The following DGKB variants were observed in gnomAD, a reference collection of about 807,000 sequenced individuals.
DGKB encodes the protein 90 kDa diacylglycerol kinase.
DGKB carries 67 observed loss-of-function variants against 114.3 expected under a neutral mutation model. The observed-to-expected ratio is 0.59, with a 90% CI of 0.48 to 0.72. The LOEUF (loss-of-function observed/expected upper bound fraction) is 0.72, where lower values mean the gene tolerates loss of function less well. DGKB is among the 30% of genes least tolerant of loss of function. The pLI, the probability that DGKB is intolerant of heterozygous loss-of-function variation, is 0.00. For missense variants in DGKB, 907 were observed against 975.2 expected (o/e 0.93, Z 0.93); for synonymous variants, 398 against 323.1 (o/e 1.23, Z -2.49).
At chr7:14,387,828 A>C (rs1583575561) in intron 21 of DGKB, among the ~76,000 whole-genome samples, 1 of 150,062 alleles carries the variant, frequency 6.7e-6, no homozygotes, top group East Asian at 2.0e-4. Context: ...GGAATCTACT[A>C]TTATTCCCAT....
chr7:14,343,190 CACACACACAA>C (rs1182097974), intron 22 of DGKB, among the ~76,000 whole-genome samples: 1 of 151,082 alleles, frequency 6.6e-6, no homozygotes, highest in African/African-American at 2.4e-5. Context: ...CACACACACA[CACACACACAA>C]CAAGATATGC....
chr7:14,395,513 G>A lies in DGKB; in HGVS notation c.1836-50122C>T, dbSNP rs1039545384. Among the ~76,000 whole-genome samples, 5 of 151,914 alleles carry A rather than the reference G, an allele frequency of 3.3e-5. 1 individual carries two copies. The highest frequency in any genetic ancestry group is 3.9e-4 in the East Asian group (2 of 5,172). On this transcript the variant is annotated intron_variant, in intron 21 of 25. Coordinates refer to ENST00000402815, the MANE Select transcript of DGKB (RefSeq NM_001350709.2). ...TTAAAGATATGGGTAAACATTTATA[G>A]TTGCTTATTATAAGTTGATGTTCAA...
chr7:14,224,031 T>C (rs2128327739), intron 23 of DGKB, among the ~76,000 whole-genome samples: 1 of 151,926 alleles, frequency 6.6e-6, no homozygotes, highest in East Asian at 1.9e-4. Flanking sequence ...ACGTTTATCC[T>C]ATTTGGAGTT....
intron 6 of DGKB, among the ~76,000 whole-genome samples, chr7:14,707,056 T>G (rs1364937248): frequency 1.3e-5 from 2 of 149,578 alleles, no homozygotes; most frequent in Non-Finnish European, 3.0e-5. Context: ...TCAACAAAAT[T>G]GACAGACCGC....
In DGKB at chr7:14,567,336, TTA is replaced by T. The variant is rs1268855279; in HGVS notation, c.1770+6874_1770+6875del. Among the ~76,000 whole-genome samples the T allele has an allele frequency of 7.2e-3, 198 of 27,420 alleles. 6 individuals are homozygous for T. Among genetic ancestry groups the T allele is most frequent in the Non-Finnish European group, 9.4e-3 (162 of 17,160 alleles). The allele number at this position is 27,420 out of a possible 152,430, so 18.0% of individuals were successfully genotyped here. A position where few individuals can be genotyped will look rare whatever the true frequency, so the allele number is the denominator to read the frequency against. ...TAATTATATTATATATATTATATAT[TTA>T]TATATTATATATATAATTATATTAT... On this transcript the variant is annotated intron_variant, in intron 20 of 25. Transcript: ENST00000402815.
chr7:14,196,553 A>T (rs1315149746), intron 23 of DGKB, among the ~76,000 whole-genome samples: 2 of 152,288 alleles, frequency 1.3e-5, no homozygotes, highest in African/African-American at 2.4e-5. Flanking sequence ...ACTAAATTGA[A>T]TTAATGTTGA....
intron 21 of DGKB, among the ~76,000 whole-genome samples, chr7:14,452,276 C>T (rs928659570): frequency 4.0e-5 from 6 of 151,896 alleles, no homozygotes; most frequent in South Asian, 2.1e-4. Context: ...AATAATAATA[C>T]GGATCAATAG....
chr7:14,676,979 G>T (rs1819978701), intron 12 of DGKB, among the ~76,000 whole-genome samples: 1 of 151,650 alleles, frequency 6.6e-6, no homozygotes, highest in Non-Finnish European at 1.5e-5. Flanking sequence ...CATGTTAAGG[G>T]ATTCAGTGCC....
Position 14,392,995 on chromosome 7 carries a change from G to GTTTTTTTTTTTTTTTTTTTTTTT in DGKB, c.1836-47605_1836-47604insAAAAAAAAAAAAAAAAAAAAAAA, listed in dbSNP as rs1554404748. 4.0e-3 allele frequency among the ~76,000 whole-genome samples: 244 copies of GTTTTTTTTTTTTTTTTTTTTTTT among 60,350 alleles called. 7 individuals are homozygous for GTTTTTTTTTTTTTTTTTTTTTTT. The highest frequency in any genetic ancestry group is 6.6e-3 in the Non-Finnish European group (192 of 28,876). The allele number at this position is 60,350 out of a possible 152,430, so 39.6% of individuals were successfully genotyped here. On this transcript the variant is annotated intron_variant, in intron 21 of 25. Coordinates refer to ENST00000402815, the MANE Select transcript of DGKB (RefSeq NM_001350709.2). Reference sequence around the variant, plus strand: ...CAAAACAGACCTGTTTTTTGTTTTTGTTTTTTTTTTTTTGAGACGGAGTCT... The same window carrying GTTTTTTTTTTTTTTTTTTTTTTT: ...CAAAACAGACCTGTTTTTTGTTTTTGTTTTTTTTTTTTTTTTTTTTTTTTTTTTTTTTTTTTGAGACGGAGTCT...
chr7:14,400,048 T>C (rs1379942081), intron 21 of DGKB, among the ~76,000 whole-genome samples: 1 of 151,874 alleles, frequency 6.6e-6, no homozygotes, highest in Non-Finnish European at 1.5e-5. Flanking sequence ...AAAAAAGCAT[T>C]TGTATGCTGA....
intron 19 of DGKB, among the ~76,000 whole-genome samples, chr7:14,579,225 C>T (rs1282665493): frequency 1.3e-5 from 2 of 152,216 alleles, no homozygotes; most frequent in South Asian, 2.1e-4. Context: ...TTGTTTATTT[C>T]CTCACTGTAT....
At position 14,170,187 on chromosome 7, in the gene DGKB, A is replaced by AAGAAAGAG. The variant is rs1554272196; in HGVS notation, c.2304+6651_2304+6652insCTCTTTCT. 2.9e-3 allele frequency among the ~76,000 whole-genome samples: 403 copies of AAGAAAGAG among 136,980 alleles called. 17 individuals carry two copies. Among genetic ancestry groups the AAGAAAGAG allele is most frequent in the African/African-American group, 0.011 (383 of 35,168 alleles). The allele number at this position is 136,980 out of a possible 152,430, so 89.9% of individuals were successfully genotyped here. A position where few individuals can be genotyped will look rare whatever the true frequency, so the allele number is the denominator to read the frequency against. On this transcript the variant is annotated intron_variant, in intron 25 of 25. Coordinates refer to ENST00000402815, the MANE Select transcript of DGKB (RefSeq NM_001350709.2). ...AAAGAAAGAAAGAAAGAAAGAAAGA[A>AAGAAAGAG]AGAAAGAAAGAAAGAAATACATTAA...
intron 23 of DGKB, among the ~76,000 whole-genome samples, chr7:14,296,308 G>A (rs938872136): frequency 6.6e-6 from 1 of 152,082 alleles, no homozygotes; most frequent in Non-Finnish European, 1.5e-5. Flanking sequence ...GGTATTACAG[G>A]CGTGAGCCAC....
At chr7:14,250,774 A>T (rs1795120431) in intron 23 of DGKB, among the ~76,000 whole-genome samples, 1 of 152,056 alleles carries the variant, frequency 6.6e-6, no homozygotes, top group Non-Finnish European at 1.5e-5. Context: ...TTCTCCTTTC[A>T]GTTCAGTAAA....
chr7:14,856,452 T>G (rs1158364073), intron 1 of DGKB, among the ~76,000 whole-genome samples: 1 of 152,160 alleles, frequency 6.6e-6, no homozygotes, highest in African/African-American at 2.4e-5. Flanking sequence ...TTTCTATGCT[T>G]CTTTTATTCT....
At chr7:14,178,409 CCA>C (rs1491449783) in intron 23 of DGKB, among the ~76,000 whole-genome samples, 75 of 95,272 alleles carry the variant, frequency 7.9e-4, no homozygotes, top group African/African-American at 5.1e-3. Flanking sequence ...CCAAATAATA[CCA>C]AAAAAAAAAA....
At chr7:14,737,016 T>G (rs1831822313) in intron 4 of DGKB, among the ~76,000 whole-genome samples, 1 of 152,166 alleles carries the variant, frequency 6.6e-6, no homozygotes, top group South Asian at 2.1e-4. Context: ...ACATGGGTGC[T>G]TTGGGGACAA....
intron 20 of DGKB, among the ~76,000 whole-genome samples, chr7:14,532,189 G>GA (rs1341962993): frequency 3.5e-5 from 5 of 144,324 alleles, no homozygotes; most frequent in Non-Finnish European, 6.1e-5. Flanking sequence ...GAATAGCTCA[G>GA]AAAAATAAAT....
intron 6 of DGKB, among the ~76,000 whole-genome samples, chr7:14,713,291 C>T (rs1170168400): frequency 6.6e-6 from 1 of 151,930 alleles, no homozygotes; most frequent in African/African-American, 2.4e-5. Flanking sequence ...TTGATATGAG[C>T]ATTATATGAT....
Sources: allele counts gnomAD v4.1 joint callset (sites outside exome capture counted in the v4.1 genomes callset), GRCh38; gene constraint gnomAD v4.1.1; transcripts MANE v1.5; gene names NCBI Gene and HGNC (gene_info 2026-07-23, HGNC 2026-07-21).